OPHN1: variants seen among roughly 807,000 people sequenced by gnomAD.
OPHN1 encodes oligophrenin-1.
In OPHN1, 11 loss-of-function variants were observed where a neutral mutation model predicts 60.7. That is an observed-to-expected ratio of 0.18 (90% CI 0.11 to 0.30). The LOEUF (loss-of-function observed/expected upper bound fraction) is 0.30. Ranked by LOEUF, OPHN1 falls within the 10% of genes least tolerant of loss-of-function variation. OPHN1 has a pLI of 1.00. For synonymous variants in OPHN1, 226 were observed against 222.6 expected (o/e 1.02, Z -0.14); for missense variants, 449 against 611.0 (o/e 0.73, Z 2.80).
intron 2 of OPHN1, among the ~76,000 whole-genome samples, chrX:68,430,963 C>A (rs1471298270): frequency 9.0e-6 from 1 of 111,731 alleles, no homozygotes; most frequent in Non-Finnish European, 1.9e-5. Flanking sequence ...CTCTGATATG[C>A]CTTAGCTGGT....
intron 18 of OPHN1, among the ~76,000 whole-genome samples, chrX:68,107,469 T>C (rs1386056281): frequency 8.9e-6 from 1 of 112,004 alleles, no homozygotes; most frequent in Non-Finnish European, 1.9e-5. Context: ...TCACAGTTAA[T>C]GTTTTATAAT....
chrX:68,323,719 GAAGAT>G (rs1569280200), intron 2 of OPHN1, among the ~76,000 whole-genome samples: 1 of 112,037 alleles, frequency 8.9e-6, no homozygotes, highest in Non-Finnish European at 1.9e-5. Flanking sequence ...TCTCATTCAT[GAAGAT>G]AAATGCAAAA....
chrX:68,066,385 A>G lies in OPHN1; in HGVS notation c.1835-2208T>C, dbSNP rs769298054. Reference sequence around the variant, plus strand: ...CCATCTCAAGAGAGCCAATCTTCATAAAGAGGACCCACATACACAGCCTCA... The same window carrying G: ...CCATCTCAAGAGAGCCAATCTTCATGAAGAGGACCCACATACACAGCCTCA... On this transcript the variant is annotated intron_variant, in intron 20 of 24. Coordinates refer to ENST00000355520, the MANE Select transcript of OPHN1 (RefSeq NM_002547.3). 2.7e-5 allele frequency among the ~76,000 whole-genome samples: 3 copies of G among 111,479 alleles called. No individual in the cohort carries two copies. The South Asian group carries it at 1.2e-3, about 43-fold the overall frequency.
intron 5 of OPHN1, among the ~76,000 whole-genome samples, chrX:68,258,415 C>A (rs1231597407): frequency 1.9e-5 from 1 of 53,246 alleles, no homozygotes; most frequent in Admixed American, 2.6e-4. Context: ...CCTCCTCCAA[C>A]CCCCCACCCC....
intron 5 of OPHN1, among the ~76,000 whole-genome samples, chrX:68,249,117 G>C (rs1468851533): frequency 9.0e-6 from 1 of 111,352 alleles, no homozygotes; most frequent in Non-Finnish European, 1.9e-5. Context: ...GTAACACAAA[G>C]GATAAATGCT....
intron 19 of OPHN1, among the ~76,000 whole-genome samples, chrX:68,090,343 C>A (rs903464981): frequency 3.7e-5 from 4 of 108,530 alleles, no homozygotes; most frequent in African/African-American, 1.3e-4. Context: ...ACAGTAAAAT[C>A]TATAAAGTAT....
intron 5 of OPHN1, among the ~76,000 whole-genome samples, chrX:68,262,719 G>A (rs911856673): frequency 6.3e-5 from 7 of 111,915 alleles, no homozygotes; most frequent in Middle Eastern, 4.2e-3. Context: ...CCCGGGAGGC[G>A]GAGGTTGCGG....
At chrX:68,240,899 C>T (rs150464074) in intron 5 of OPHN1, among the ~76,000 whole-genome samples, 3,667 of 111,865 alleles carry the variant, frequency 0.033, 134 homozygotes, top group African/African-American at 0.11. Flanking sequence ...ACATAATGAA[C>T]TGTGTCCCAC....
intron 10 of OPHN1, among the ~76,000 whole-genome samples, chrX:68,205,977 TGA>T (rs779223783): frequency 0.022 from 905 of 40,922 alleles, 13 homozygotes; most frequent in African/African-American, 0.08. Flanking sequence ...TGAGTGTGTG[TGA>T]GTGTGTGTGT....
rs540472796 is a variant in OPHN1 at position 68,176,598 on chromosome X, G to A, written c.1276+16321C>T. On this transcript the variant is annotated intron_variant, in intron 15 of 24. Coordinates refer to ENST00000355520, the MANE Select transcript of OPHN1 (RefSeq NM_002547.3). ...TGCACTGTTGGTGGCAATGTGAAAT[G>A]GTAAAGCCACTATGCAACATAGTAT... is the stretch of plus-strand genomic sequence containing the variant. Among the ~76,000 whole-genome samples, 12 of 111,685 alleles carry A rather than the reference G, an allele frequency of 1.1e-4. No homozygotes were observed. The South Asian group carries it at 4.6e-3, about 42-fold the overall frequency.
chrX:68,090,484 A>G (rs1353125298), intron 19 of OPHN1, among the ~76,000 whole-genome samples: 1 of 110,860 alleles, frequency 9.0e-6, no homozygotes, highest in Non-Finnish European at 1.9e-5. Flanking sequence ...CACAAACACC[A>G]CCTTTTAGAG....
At chrX:68,229,015 ATCAT>A (rs2077712658) in intron 6 of OPHN1, among the ~76,000 whole-genome samples, 2 of 111,541 alleles carry the variant, frequency 1.8e-5, no homozygotes, top group African/African-American at 3.3e-5. Flanking sequence ...AGAAAACCCC[ATCAT>A]CTCAGCCCCA....
At chrX:68,253,848 A>G (rs1227319347) in intron 5 of OPHN1, among the ~76,000 whole-genome samples, 5 of 111,682 alleles carry the variant, frequency 4.5e-5, no homozygotes, top group Non-Finnish European at 9.4e-5. Context: ...GTAGATCAGA[A>G]TAACTTTGAC....
chrX:68,247,424 T>G (rs973311131), intron 5 of OPHN1, among the ~76,000 whole-genome samples: 2 of 111,783 alleles, frequency 1.8e-5, no homozygotes, highest in African/African-American at 6.5e-5. Context: ...ATATAGTAAC[T>G]AAGCTTGTAA....
intron 20 of OPHN1, chrX:68,070,975 T>C: frequency 1.7e-6 from 2 of 1,148,203 alleles, no homozygotes; most frequent in Admixed American, 4.4e-5. Flanking sequence ...CATTAGGTCT[T>C]TGACAATCTT....
At chrX:68,223,058 G>C (rs73530467) in intron 6 of OPHN1, among the ~76,000 whole-genome samples, 1,827 of 111,821 alleles carry the variant, frequency 0.016, 42 homozygotes, top group African/African-American at 0.057. Context: ...TGCAGATGTG[G>C]TTAAAAGGGA....
At chrX:68,171,569 C>G (rs2077391724) in intron 15 of OPHN1, among the ~76,000 whole-genome samples, 1 of 110,422 alleles carries the variant, frequency 9.1e-6, no homozygotes, top group Non-Finnish European at 1.9e-5. Context: ...AACCCTGTCT[C>G]TACTAAAAAT....
chrX:68,130,578 C>T (rs1025923858), intron 15 of OPHN1, among the ~76,000 whole-genome samples: 1 of 110,910 alleles, frequency 9.0e-6, no homozygotes. Context: ...GTATTTTTAA[C>T]CATATGGAAA....
At chrX:68,232,581 A>G (rs2077733782) in intron 6 of OPHN1, among the ~76,000 whole-genome samples, 1 of 111,884 alleles carries the variant, frequency 8.9e-6, no homozygotes, top group African/African-American at 3.2e-5. Context: ...GAGTACCAGA[A>G]GAAAAAGGTG....
Sources: gnomAD v4.1 joint callset for allele counts (sites outside exome capture counted in the v4.1 genomes callset) on GRCh38, gnomAD v4.1.1 for gene constraint, MANE v1.5 for transcripts, NCBI Gene and HGNC (gene_info 2026-07-23, HGNC 2026-07-21) for gene names.